Variants in DNMT1 observed in about 807,000 individuals in gnomAD.
DNMT1 encodes the protein DNA (cytosine-5)-methyltransferase 1.
Under a neutral mutation model 205.3 loss-of-function variants are expected in DNMT1, and 24 were observed. That is an observed-to-expected ratio of 0.12 (90% confidence interval 0.08 to 0.16). DNMT1 has a LOEUF of 0.16. Among genes scored for constraint, DNMT1 ranks in the 10% least tolerant of loss-of-function variants. The probability of loss-of-function intolerance (pLI) is 1.00; values close to 1 mark genes in which losing one functional copy is unlikely to be tolerated. For synonymous variants in DNMT1, 817 were observed against 839.8 expected (o/e 0.97, Z 0.47); for missense variants, 1,293 against 2,177.7 (o/e 0.59, Z 8.09).
At chr19:10,187,707 A>T (rs1228712541) in intron 1 of DNMT1, among the ~76,000 whole-genome samples, 2 of 150,988 alleles carry the variant, frequency 1.3e-5, no homozygotes, top group African/African-American at 4.9e-5. Flanking sequence ...CTGTCTCTAC[A>T]AAAAATAGTA....
chr19:10,147,695 A>T (rs990726229), intron 27 of DNMT1, among the ~76,000 whole-genome samples: 7 of 152,178 alleles, frequency 4.6e-5, no homozygotes, highest in African/African-American at 1.7e-4. Flanking sequence ...GCCCCCGGGG[A>T]GCCCTCTTGG....
chr19:10,135,594 C>T (rs764935608), intron 39 of DNMT1, 142 bp downstream of exon 39: 4 of 829,356 alleles, frequency 4.8e-6, no homozygotes, highest in South Asian at 4.4e-5. Context: ...TCCTGTGGGC[C>T]GTCTTCCCAC....
intron 39 of DNMT1, among the ~76,000 whole-genome samples, chr19:10,135,266 G>A (rs923473892): frequency 3.3e-5 from 5 of 151,820 alleles, no homozygotes; most frequent in East Asian, 1.9e-4. Flanking sequence ...CAGATTCGGG[G>A]GGAGGGGTGA....
chr19:10,159,960 G>A lies in DNMT1; in HGVS notation c.1090-38C>T. ...GAACACAGATGATGGCACTCAGAGA[G>A]CAGCTCCCAGCCGCCTCGTGAGCGC... On this transcript the variant is annotated intron_variant, in intron 15 of 40. Transcript: ENST00000359526. The surrounding 1 kb of genome is among the most constrained non-coding windows in gnomAD (Gnocchi z 5.0). The A allele has an allele frequency of 6.2e-7, 1 of 1,614,244 alleles. No homozygotes were observed. The highest frequency in any genetic ancestry group is 1.1e-5 in the South Asian group (1 of 91,086).
intron 28 of DNMT1, chr19:10,144,411 G>GAAA: frequency 3.4e-5 from 6 of 175,584 alleles, no homozygotes; most frequent in East Asian, 2.9e-4. Context: ...CCATCTCACA[G>GAAA]AAAAAAAAAA....
rs2038466544 is a variant in DNMT1, at chr19:10,156,826, C to A, written c.1281-317G>T. Among the ~76,000 whole-genome samples, 1 of 152,106 alleles carries A rather than the reference C, an allele frequency of 6.6e-6. No individual in the cohort carries two copies. ...AGGGACGGGGTTTCACTATGTGTAG[C>A]AGGCTGGTCTCAAACTCTTTATCTC... On this transcript the variant is annotated intron_variant, in intron 17 of 40. Transcript: ENST00000359526. This position sits in a 1 kb window ranked among gnomAD's most constrained non-coding sequence, Gnocchi z 4.2.
Position 10,160,024 on chromosome 19 carries a change from G to T in DNMT1, c.1083C>A (p.Asn361Lys), listed in dbSNP as rs761967857. Residue 361 changes from asparagine (N) to lysine (K), a missense_variant, in exon 15 of 41, where the codon AAC (asparagine) becomes AAA (lysine). This residue lies in a region of DNMT1 where 120 missense variants were observed against 315.9 expected (regional missense o/e 0.38). Transcript: ENST00000359526. ...ATTCCCGGCAGATGTTTACCTTGGA[G>T]TTCATGACTGTTTTGGCGCGAGCCA... ...KKMARAKTVM[N>K]SKTHPPKCIQ... 1.2e-6 allele frequency: 2 copies of T among 1,614,022 alleles called. No individual in the cohort carries two copies. The highest frequency in any genetic ancestry group is 1.7e-6 in the Non-Finnish European group (2 of 1,180,028).
At chr19:10,184,774 G>A (rs1039343347) in intron 1 of DNMT1, among the ~76,000 whole-genome samples, 1 of 152,246 alleles carries the variant, frequency 6.6e-6, no homozygotes, top group African/African-American at 2.4e-5. Flanking sequence ...AGCTGGGTAA[G>A]TGTCTGTTGG....
At chr19:10,182,205 T>G (rs1231744607) in intron 1 of DNMT1, 128 bp from the exon 2 acceptor site, 2 of 952,188 alleles carry the variant, frequency 2.1e-6, no homozygotes, top group Non-Finnish European at 3.3e-6. Context: ...TAGAAAAAAC[T>G]AAGCTGGCTT....
chr19:10,163,816 G>A (rs2038630575), intron 11 of DNMT1, among the ~76,000 whole-genome samples: 1 of 152,178 alleles, frequency 6.6e-6, no homozygotes, highest in South Asian at 2.1e-4. Context: ...GCTAAGGCAG[G>A]AGGATTGCTT....
chr19:10,175,351 C>A (rs1010856453), intron 7 of DNMT1, among the ~76,000 whole-genome samples, 189 bp downstream of exon 7: 2 of 152,074 alleles, frequency 1.3e-5, no homozygotes, highest in African/African-American at 4.8e-5. Flanking sequence ...TATACATACA[C>A]GTGCATATGT....
At chr19:10,134,101 G>A (rs767985459) in intron 40 of DNMT1, 116 bp downstream of exon 40, 34 of 1,045,114 alleles carry the variant, frequency 3.3e-5, no homozygotes, top group Middle Eastern at 2.0e-4. Flanking sequence ...GGCCACGAAC[G>A]TGGGTAGGTG....
At position 10,138,416 on chromosome 19, in the gene DNMT1, G is replaced by A; in HGVS notation, c.4115+23C>T. 1 of 1,613,748 alleles carries A rather than the reference G, an allele frequency of 6.2e-7. No individual in the cohort carries two copies. The highest frequency in any genetic ancestry group is 1.7e-5 in the Admixed American group (1 of 60,028). On this transcript the variant is annotated intron_variant, in intron 35 of 40. Coordinates refer to ENST00000359526, the MANE Select transcript of DNMT1 (RefSeq NM_001130823.3). This position sits in a 1 kb window ranked among gnomAD's most constrained non-coding sequence, Gnocchi z 4.1. ...ACTGAGGCCTGCTCGGCAGTGTGTGGAGGAGCGACGGGGGCCACCTACCTG... is the reference window on the plus strand; with the variant it reads ...ACTGAGGCCTGCTCGGCAGTGTGTGAAGGAGCGACGGGGGCCACCTACCTG...
chr19:10,159,929 G>A lies in DNMT1; in HGVS notation c.1090-7C>T. 1.9e-6 allele frequency: 3 copies of A among 1,614,234 alleles called. No individual in the cohort carries two copies. The highest frequency in any genetic ancestry group is 2.5e-6 in the Non-Finnish European group (3 of 1,180,036). On this transcript the variant is annotated splice_region_variant and splice_polypyrimidine_tract_variant and intron_variant, in intron 15 of 40. Coordinates refer to ENST00000359526, the MANE Select transcript of DNMT1 (RefSeq NM_001130823.3). The surrounding 1 kb of genome is among the most constrained non-coding windows in gnomAD (Gnocchi z 5.0). Reference sequence around the variant, plus strand: ...TGCACTTGGGAGGGTGGGTCTGTGGGAGCAGGAACACAGATGATGGCACTC... The same window carrying A: ...TGCACTTGGGAGGGTGGGTCTGTGGAAGCAGGAACACAGATGATGGCACTC...
At chr19:10,166,304 G>A (rs2038691657) in intron 11 of DNMT1, among the ~76,000 whole-genome samples, 1 of 152,158 alleles carries the variant, frequency 6.6e-6, no homozygotes, top group Non-Finnish European at 1.5e-5. Context: ...TCAGCAGTGA[G>A]GCCTCAGGAG....
At chr19:10,161,029 G>A (rs537669227) in intron 13 of DNMT1, among the ~76,000 whole-genome samples, 11 of 150,460 alleles carry the variant, frequency 7.3e-5, no homozygotes, top group East Asian at 4.0e-4. Flanking sequence ...GCACAGGGCC[G>A]GGCGCGATGG....
intron 17 of DNMT1, among the ~76,000 whole-genome samples, chr19:10,158,816 G>A (rs962809654): frequency 2.0e-5 from 3 of 152,134 alleles, no homozygotes; most frequent in Non-Finnish European, 4.4e-5. Flanking sequence ...AGGCCCCTCC[G>A]AGCCCTGGTA....
At chr19:10,145,148 G>T (rs2038171761) in intron 28 of DNMT1, among the ~76,000 whole-genome samples, 1 of 152,240 alleles carries the variant, frequency 6.6e-6, no homozygotes, top group Admixed American at 6.5e-5. Context: ...GGTCTGACTA[G>T]TGTGGAAAAG....
intron 11 of DNMT1, 49 bp from the exon 12 acceptor site, chr19:10,163,409 T>C: frequency 6.3e-7 from 1 of 1,594,410 alleles, no homozygotes; most frequent in Non-Finnish European, 8.6e-7. Context: ...GGGAAAAAAT[T>C]AGTTTCTGAG....
Sources: allele counts gnomAD v4.1 joint callset (sites outside exome capture counted in the v4.1 genomes callset), GRCh38; gene constraint gnomAD v4.1.1; regional missense constraint gnomAD v4.1.1; non-coding constraint Gnocchi (gnomAD v3.1); transcripts MANE v1.5; gene names NCBI Gene and HGNC (gene_info 2026-07-23, HGNC 2026-07-21).